Variants in HJURP observed in about 807,000 individuals in gnomAD.
HJURP encodes 14-3-3-associated AKT substrate.
HJURP carries 49 observed loss-of-function variants against 72.0 expected under a neutral mutation model. That is an observed-to-expected ratio of 0.68 (90% CI 0.54 to 0.86). The LOEUF (loss-of-function observed/expected upper bound fraction) is 0.86, where lower values mean the gene tolerates loss of function less well. Ranked by LOEUF, HJURP falls within the 40% of genes least tolerant of loss-of-function variation. The pLI is 0.00. For missense variants in HJURP, 908 were observed against 936.3 expected, an observed-to-expected ratio of 0.97 and a Z score of 0.39; for synonymous variants, 357 against 347.1, an observed-to-expected ratio of 1.03 and a Z score of -0.32.
chr2:233,840,581 C>A (rs916671884), intron 8 of HJURP, 28 bp downstream of exon 8: 4 of 1,542,596 alleles, frequency 2.6e-6, no homozygotes, highest in Non-Finnish European at 3.5e-6. Flanking sequence ...TCACATAAAC[C>A]ACATTCAACC....
At chr2:233,852,906 C>T (rs1041281175) in intron 2 of HJURP, among the ~76,000 whole-genome samples, 21 of 152,168 alleles carry the variant, frequency 1.4e-4, no homozygotes, top group Non-Finnish European at 2.9e-4. Flanking sequence ...CAGCGACTGT[C>T]CTTAAAATAT....
At chr2:233,842,624 C>A (rs759768053) in intron 7 of HJURP, among the ~76,000 whole-genome samples, 19 of 129,788 alleles carry the variant, frequency 1.5e-4, no homozygotes, top group Non-Finnish European at 2.7e-4. Context: ...TGGGAAAAAA[C>A]CATAAAATTG....
At chr2:233,852,939 T>C (rs1366051420) in intron 2 of HJURP, among the ~76,000 whole-genome samples, 2 of 152,322 alleles carry the variant, frequency 1.3e-5, no homozygotes, top group African/African-American at 2.4e-5. Context: ...CTATATACCA[T>C]ATAGAGGGAG....
rs367689236 is a variant in HJURP, at chr2:233,840,592, A to T, written c.2171+17T>A. ...TCACTCACATAAACCACATTCAACC[A>T]ACAGAAACACACCTACCTCTCTTCT... On this transcript the variant is annotated intron_variant, in intron 8 of 8. Coordinates refer to ENST00000411486, the MANE Select transcript of HJURP (RefSeq NM_018410.5). The T allele has an allele frequency of 3.9e-6, 6 of 1,554,502 alleles. No individual in the cohort carries two copies. The highest frequency in any genetic ancestry group is 5.2e-6 in the Non-Finnish European group (6 of 1,155,646).
At chr2:233,845,173 A>T (rs1705332258) in intron 6 of HJURP, among the ~76,000 whole-genome samples, 1 of 150,236 alleles carries the variant, frequency 6.7e-6, no homozygotes, top group African/African-American at 2.5e-5. Context: ...TTTTTTTGAG[A>T]TAGAGTCTTG....
intron 4 of HJURP, among the ~76,000 whole-genome samples, chr2:233,849,118 C>G (rs891801818): frequency 6.6e-6 from 1 of 152,106 alleles, no homozygotes; most frequent in African/African-American, 2.4e-5. Flanking sequence ...GAGGAACACA[C>G]GGGGTTGGTG....
intron 8 of HJURP, among the ~76,000 whole-genome samples, chr2:233,838,208 A>G (rs985108036): frequency 6.6e-6 from 1 of 152,216 alleles, no homozygotes; most frequent in African/African-American, 2.4e-5. Flanking sequence ...CCAGTTAAAC[A>G]TGTTTATATT....
chr2:233,853,485 C>T (rs1321340572), intron 2 of HJURP, among the ~76,000 whole-genome samples: 1 of 152,158 alleles, frequency 6.6e-6, no homozygotes, highest in African/African-American at 2.4e-5. Context: ...AGGGATTGTA[C>T]GTGACTGTTA....
Position 233,841,528 on chromosome 2 carries a change from A to C in HJURP, c.1252T>G (p.Ser418Ala). Reference sequence around the variant, plus strand: ...TGGCCCTGTCGTATTGTTGGTCTGGAAACTATTTTTACAGGAGAAATTAAC... The same window carrying C: ...TGGCCCTGTCGTATTGTTGGTCTGGCAACTATTTTTACAGGAGAAATTAAC... ...KWLISPVKIV[S>A]RPTIRQGHGE... is the part of the protein sequence containing the mutation. The change falls in exon 8 of 9, where the codon TCC (serine) becomes GCC (alanine). Residue 418 changes from serine (S) to alanine (A), a missense_variant. Coordinates refer to ENST00000411486, the MANE Select transcript of HJURP (RefSeq NM_018410.5). 2 of 1,614,092 alleles carry C rather than the reference A, an allele frequency of 1.2e-6. No individual in the cohort carries two copies. The highest frequency in any genetic ancestry group is 3.3e-4 in the Middle Eastern group (2 of 6,062).
rs199672598 is a variant in HJURP at position 233,846,032 on chromosome 2, A to AC, written c.403-213_403-212insG. ...GAATGTAAAAAGACACACACACACAAAAAAACCATGTCTAGAGAAGTTTAT... is the reference window on the plus strand; with the variant it reads ...GAATGTAAAAAGACACACACACACAACAAAAACCATGTCTAGAGAAGTTTAT... On this transcript the variant is annotated intron_variant, in intron 5 of 8. Transcript: ENST00000411486. This position sits in a 1 kb window ranked among gnomAD's most constrained non-coding sequence, Gnocchi z 4.3. The AC allele has an allele frequency of 6.4e-3, 3,048 of 473,846 alleles. 70 individuals are homozygous for AC. The highest frequency in any genetic ancestry group is 0.052 in the African/African-American group (2,668 of 51,078). The allele number at this position is 473,846 out of a possible 1,614,324, so 29.4% of individuals were successfully genotyped here. A position where few individuals can be genotyped will look rare whatever the true frequency, so the allele number is the denominator to read the frequency against.
Position 233,841,638 on chromosome 2 carries a change from G to A in HJURP, c.1142C>T (p.Pro381Leu). 6.2e-7 allele frequency: 1 copy of A among 1,614,156 alleles called. No individual in the cohort carries two copies. The change falls in exon 8 of 9, where the codon CCC becomes CTC. Residue 381 changes from proline to leucine, a missense_variant. Pro to Leu is a moderately conservative substitution (Grantham distance 98). Transcript: ENST00000411486. ...GTAAATCAAGGAAGAATACTTCGAG[G>A]GTGTCACTTTGCGCTCCTTCCAACT... is the stretch of plus-strand genomic sequence containing the variant. ...DPSWKERKVT[P>L]SKYSSLIYFD... is the part of the protein sequence containing the mutation.
Position 233,840,510 on chromosome 2 carries a change from A to G in HJURP, c.2171+99T>C, listed in dbSNP as rs764904865. 57 of 1,250,704 alleles carry G rather than the reference A, an allele frequency of 4.6e-5. 1 individual carries two copies. Among genetic ancestry groups the G allele is most frequent in the Middle Eastern group, 3.9e-4 (2 of 5,064 alleles). 77.5% of individuals were successfully genotyped at this position (1,250,704 alleles called of 1,614,324 possible). Reference sequence around the variant, plus strand: ...TCACGTATGTAAGAATTCGGCTGAGATTCACTAAACGTGGCGCAAAGATTC... The same window carrying G: ...TCACGTATGTAAGAATTCGGCTGAGGTTCACTAAACGTGGCGCAAAGATTC... On this transcript the variant is annotated intron_variant, in intron 8 of 8. Coordinates refer to ENST00000411486, the MANE Select transcript of HJURP (RefSeq NM_018410.5).
intron 4 of HJURP, among the ~76,000 whole-genome samples, chr2:233,847,774 A>C (rs1395658465): frequency 6.6e-6 from 1 of 152,192 alleles, no homozygotes; most frequent in East Asian, 1.9e-4. Context: ...TCCGGTGACC[A>C]TGGAAAGTTC....
chr2:233,837,704 C>T (rs765913617), intron 8 of HJURP, 52 bp from the exon 9 acceptor site: 7 of 1,131,064 alleles, frequency 6.2e-6, no homozygotes, highest in South Asian at 1.3e-5. Flanking sequence ...TCTAGAATTC[C>T]CAATGCCAGC....
intron 8 of HJURP, 47 bp downstream of exon 8, chr2:233,840,562 A>G (rs1574640840): frequency 2.0e-6 from 3 of 1,519,932 alleles, no homozygotes; most frequent in Non-Finnish European, 2.6e-6. Flanking sequence ...CTGTCCAAAG[A>G]GCAGTCACTC....
chr2:233,852,743 G>T, intron 2 of HJURP, 123 bp from the exon 3 acceptor site: 1 of 660,772 alleles, frequency 1.5e-6, no homozygotes, highest in Non-Finnish European at 2.6e-6. Context: ...AACCAAGCCA[G>T]GTTTCTGATA....
chr2:233,846,865 C>T lies in HJURP; in HGVS notation c.402+532G>A, dbSNP rs1353101870. Among the ~76,000 whole-genome samples the T allele has an allele frequency of 6.6e-6, 1 of 152,190 alleles. No homozygotes were observed. The highest frequency in any genetic ancestry group is 1.5e-5 in the Non-Finnish European group (1 of 68,036). Reference sequence around the variant, plus strand: ...TATCCCAACCAAGGAGGATAAGAAGCACATCCCATAAGAAAACGGGTGGTT... The same window carrying T: ...TATCCCAACCAAGGAGGATAAGAAGTACATCCCATAAGAAAACGGGTGGTT... On this transcript the variant is annotated intron_variant, in intron 5 of 8. Transcript: ENST00000411486. This position sits in a 1 kb window ranked among gnomAD's most constrained non-coding sequence, Gnocchi z 4.3.
At position 233,841,117 on chromosome 2, in the gene HJURP, ACT is replaced by A; in HGVS notation, c.1661_1662del (p.Lys554IlefsTer13). 1 of 1,614,054 alleles carries A rather than the reference ACT, an allele frequency of 6.2e-7. No homozygotes were observed. Among genetic ancestry groups the A allele is most frequent in the Non-Finnish European group, 8.5e-7 (1 of 1,180,002 alleles). On this transcript the variant is annotated frameshift_variant, in exon 8 of 9. Coordinates refer to ENST00000411486, the MANE Select transcript of HJURP (RefSeq NM_018410.5). LOFTEE classifies it high-confidence loss of function. ...VQGNSSGIFR[K>X]SVSPSKTLSV... ...GAAAGAGTTTTGCTGGGTGACACTG[ACT>A]TTCTAAATATTCCAGAACTATTTCC...
chr2:233,850,203 C>T (rs1705466249), intron 3 of HJURP, among the ~76,000 whole-genome samples: 1 of 152,224 alleles, frequency 6.6e-6, no homozygotes, highest in South Asian at 2.1e-4. Flanking sequence ...TGAAACAGAA[C>T]AAAATTGTCC....
Sources: gnomAD v4.1 joint callset for allele counts (sites outside exome capture counted in the v4.1 genomes callset) on GRCh38, gnomAD v4.1.1 for gene constraint, Gnocchi (gnomAD v3.1) non-coding constraint, MANE v1.5 for transcripts, NCBI Gene and HGNC (gene_info 2026-07-23, HGNC 2026-07-21) for gene names.